Variants in KALRN observed in about 807,000 individuals in gnomAD.
KALRN encodes the protein kalirin.
A neutral mutation model predicts 353.7 loss-of-function variants in KALRN; 70 were observed. That is an observed-to-expected ratio of 0.20 (90% CI 0.16 to 0.24). The LOEUF (loss-of-function observed/expected upper bound fraction) is 0.24. KALRN is among the 10% of genes least tolerant of loss of function. KALRN has a pLI of 1.00. For synonymous variants in KALRN, 1,391 were observed against 1,434.8 expected (o/e 0.97, Z 0.69); for missense variants, 2,791 against 3,756.7 (o/e 0.74, Z 6.72).
chr3:124,717,956 C>T (rs142039223), intron 59 of KALRN, among the ~76,000 whole-genome samples: 1,573 of 151,542 alleles, frequency 0.01, 19 homozygotes, highest in African/African-American at 0.035. Flanking sequence ...GGATTACAGG[C>T]GCTCACCACC....
rs762540232 is a variant in KALRN, at chr3:124,334,262, C to T, written c.1417-3C>T. ...TTAACTTAAACTTCTCTCTTTCCTG[C>T]AGGTCAGCCAGGATGGCAAAGCACT... On this transcript the variant is annotated splice_region_variant and splice_polypyrimidine_tract_variant and intron_variant, in intron 8 of 59. Transcript: ENST00000682506. This position sits in a 1 kb window ranked among gnomAD's most constrained non-coding sequence, Gnocchi z 4.2. 1.2e-6 allele frequency: 2 copies of T among 1,612,308 alleles called. No homozygotes were observed. Among genetic ancestry groups the T allele is most frequent in the South Asian group, 1.1e-5 (1 of 91,046 alleles).
chr3:124,687,952 G>A (rs964488569), intron 51 of KALRN, among the ~76,000 whole-genome samples: 3 of 152,064 alleles, frequency 2.0e-5, no homozygotes, highest in Admixed American at 6.6e-5. Flanking sequence ...CAAGTCTATC[G>A]CTGCTTGGGA....
intron 34 of KALRN, among the ~76,000 whole-genome samples, chr3:124,596,730 G>C (rs1338937378): frequency 6.6e-6 from 1 of 152,162 alleles, no homozygotes; most frequent in Admixed American, 6.5e-5. Context: ...AATCTAGGTA[G>C]GTGTTGGATT....
chr3:124,054,342 G>C (rs1049432709), intron 1 of KALRN, among the ~76,000 whole-genome samples: 2 of 15,630 alleles, frequency 1.3e-4, no homozygotes, highest in African/African-American at 1.7e-4. Context: ...GGGCAACATA[G>C]CAAGACCCCA....
chr3:124,602,271 C>T (rs1440697328), intron 34 of KALRN, among the ~76,000 whole-genome samples: 2 of 152,140 alleles, frequency 1.3e-5, no homozygotes, highest in Non-Finnish European at 2.9e-5. Flanking sequence ...TTCCTTGGTG[C>T]TGTCTACCCT....
chr3:124,601,867 G>GAAA (rs57773103), intron 34 of KALRN, among the ~76,000 whole-genome samples: 5 of 150,010 alleles, frequency 3.3e-5, no homozygotes, highest in African/African-American at 7.3e-5. Context: ...CCATCTCTAG[G>GAAA]AAAAAAAAAA....
At chr3:124,333,823 G>A (rs1034912761) in intron 8 of KALRN, among the ~76,000 whole-genome samples, 12 of 152,142 alleles carry the variant, frequency 7.9e-5, no homozygotes, top group African/African-American at 2.4e-4. Flanking sequence ...GGGAGGCAGA[G>A]GTTGCAGTGA....
At chr3:124,286,224 TTTC>T (rs917208884) in intron 5 of KALRN, among the ~76,000 whole-genome samples, 18 of 151,098 alleles carry the variant, frequency 1.2e-4, no homozygotes, top group African/African-American at 3.9e-4. Flanking sequence ...TCTTTCTTTC[TTTC>T]TTTTCTTCTC....
chr3:124,195,661 A>C (rs1327441851), intron 1 of KALRN, among the ~76,000 whole-genome samples: 1 of 152,170 alleles, frequency 6.6e-6, no homozygotes, highest in Non-Finnish European at 1.5e-5. Flanking sequence ...TTGGCTCCAC[A>C]AGAGCCTATC....
intron 36 of KALRN, among the ~76,000 whole-genome samples, chr3:124,634,247 C>A (rs893274246): frequency 6.6e-6 from 1 of 152,132 alleles, no homozygotes; most frequent in Non-Finnish European, 1.5e-5. Flanking sequence ...GCAGCACATC[C>A]TAAAAGGAGC....
At chr3:124,098,296 C>T (rs986174985) in intron 1 of KALRN, among the ~76,000 whole-genome samples, 8 of 152,160 alleles carry the variant, frequency 5.3e-5, no homozygotes, top group Admixed American at 2.6e-4. Flanking sequence ...CTGTTTTCCC[C>T]GATGCCTGCT....
chr3:124,101,853 C>A (rs1470230937), intron 1 of KALRN, among the ~76,000 whole-genome samples: 2 of 152,112 alleles, frequency 1.3e-5, no homozygotes, highest in Admixed American at 6.5e-5. Context: ...TGGTCCCTAG[C>A]CTGCCATGGA....
At chr3:124,118,140 CT>C (rs2063624908) in intron 1 of KALRN, among the ~76,000 whole-genome samples, 1 of 152,134 alleles carries the variant, frequency 6.6e-6, no homozygotes, top group Non-Finnish European at 1.5e-5. Context: ...CTCAGGGTGA[CT>C]GTCAGACTTT....
intron 47 of KALRN, among the ~76,000 whole-genome samples, chr3:124,670,476 G>A (rs2086267337): frequency 6.6e-6 from 1 of 152,206 alleles, no homozygotes; most frequent in Admixed American, 6.5e-5. Flanking sequence ...ACAAGGATGT[G>A]ATGACGGACC....
intron 1 of KALRN, chr3:124,163,362 T>C (rs1362904238): frequency 6.5e-6 from 1 of 152,730 alleles, no homozygotes; most frequent in Non-Finnish European, 1.5e-5. Flanking sequence ...TTGTGCCAGC[T>C]TTTGTGTTTC....
chr3:124,377,577 G>T (rs971372732), intron 10 of KALRN, among the ~76,000 whole-genome samples: 1 of 152,082 alleles, frequency 6.6e-6, no homozygotes, highest in African/African-American at 2.4e-5. Flanking sequence ...GGTTGAGAGT[G>T]TTCAAATCTA....
chr3:124,653,728 G>A (rs560674074), intron 38 of KALRN, among the ~76,000 whole-genome samples: 1 of 152,316 alleles, frequency 6.6e-6, no homozygotes, highest in South Asian at 2.1e-4. Context: ...GTTAGAAGTG[G>A]TTCTAACCAG....
At chr3:124,136,239 T>A (rs935459850) in intron 1 of KALRN, among the ~76,000 whole-genome samples, 2 of 152,082 alleles carry the variant, frequency 1.3e-5, no homozygotes, top group African/African-American at 2.4e-5. Flanking sequence ...CCTAAGTCAG[T>A]GGAACTCAAA....
At position 124,103,329 on chromosome 3, in the gene KALRN, C is replaced by T. The variant is rs539666858; in HGVS notation, c.73+69516C>T. ...CTGTGATGTGAGAACAGTAAAGCAGCACTTGCCCAGATATGGCATGTCCTC... is the reference window on the plus strand; with the variant it reads ...CTGTGATGTGAGAACAGTAAAGCAGTACTTGCCCAGATATGGCATGTCCTC... On this transcript the variant is annotated intron_variant, in intron 1 of 59. Coordinates refer to ENST00000682506, the MANE Select transcript of KALRN (RefSeq NM_001388419.1). Among the ~76,000 whole-genome samples the T allele has an allele frequency of 3.3e-5, 5 of 152,232 alleles. No individual in the cohort carries two copies. In the South Asian group the frequency reaches 8.3e-4, roughly 25 times the overall value.
Sources: gnomAD v4.1 joint callset for allele counts (sites outside exome capture counted in the v4.1 genomes callset) on GRCh38, gnomAD v4.1.1 for gene constraint, Gnocchi (gnomAD v3.1) non-coding constraint, MANE v1.5 for transcripts, NCBI Gene and HGNC (gene_info 2026-07-23, HGNC 2026-07-21) for gene names.